The following TPTE2 variants were observed in gnomAD, a reference collection of about 807,000 sequenced individuals.
TPTE2 encodes the protein phosphatidylinositol 3,4,5-trisphosphate 3-phosphatase TPTE2.
Under a neutral mutation model 78.6 loss-of-function variants are expected in TPTE2, and 53 were observed. The ratio of observed to expected loss-of-function variants is 0.67; its 90% CI spans 0.54 to 0.85. TPTE2 has a LOEUF of 0.85. TPTE2 is among the 40% of genes least tolerant of loss of function. The pLI is 0.00. For synonymous variants in TPTE2, 175 were observed against 206.2 expected (o/e 0.85, Z 1.30); for missense variants, 461 against 623.0 (o/e 0.74, Z 2.77).
the TPTE2 span, among the ~76,000 whole-genome samples, chr13:19,558,719 G>A: frequency 6.6e-6 from 1 of 152,248 alleles, no homozygotes; most frequent in South Asian, 2.1e-4. Context: ...TTAGGGAGCA[G>A]GATAAGATTT....
intron 17 of TPTE2, among the ~76,000 whole-genome samples, chr13:19,426,800 G>A (rs779153510): frequency 1.3e-5 from 2 of 152,148 alleles, no homozygotes; most frequent in East Asian, 1.9e-4. Flanking sequence ...TGCCTCCCAG[G>A]TTCAAGTGAT....
intron 17 of TPTE2, among the ~76,000 whole-genome samples, chr13:19,428,346 G>A (rs1305127640): frequency 6.6e-6 from 1 of 152,172 alleles, no homozygotes; most frequent in African/African-American, 2.4e-5. Flanking sequence ...TACTTGGGAG[G>A]CGGAGGCAGG....
chr13:19,489,517 A>G (rs914432503), intron 3 of TPTE2, among the ~76,000 whole-genome samples: 1 of 150,482 alleles, frequency 6.6e-6, no homozygotes, highest in Admixed American at 6.7e-5. Flanking sequence ...ATATTAGAGG[A>G]TATATATATG....
chr13:19,453,536 ATCATATATAT>A (rs2137536659), intron 10 of TPTE2, among the ~76,000 whole-genome samples: 1 of 15,842 alleles, frequency 6.3e-5, no homozygotes, highest in South Asian at 3.4e-3. Flanking sequence ...TCATTTTATA[ATCATATATAT>A]ATATATATAT....
chr13:19,549,179 T>G, the TPTE2 span, among the ~76,000 whole-genome samples: 3 of 148,508 alleles, frequency 2.0e-5, no homozygotes, highest in Non-Finnish European at 4.5e-5. Context: ...CTAATAAAAC[T>G]AATGAGCTTC....
intron 3 of TPTE2, among the ~76,000 whole-genome samples, chr13:19,489,780 G>GATTT (rs60322576): frequency 6.6e-6 from 1 of 151,142 alleles, no homozygotes; most frequent in Admixed American, 6.6e-5. Flanking sequence ...TGTGTGTGTA[G>GATTT]ATCCTTTAGC....
At chr13:19,465,808 C>T (rs1879236263) in intron 7 of TPTE2, among the ~76,000 whole-genome samples, 1 of 152,102 alleles carries the variant, frequency 6.6e-6, no homozygotes, top group African/African-American at 2.4e-5. Context: ...TTGCTAAACA[C>T]CCTACAATTA....
At chr13:19,540,440 G>T (rs1427288727), upstream of TPTE2, among the ~76,000 whole-genome samples, 1 of 151,824 alleles carries the variant, frequency 6.6e-6, no homozygotes, top group Non-Finnish European at 1.5e-5. Flanking sequence ...AAGTAGCTGT[G>T]ACTACAGGCG....
intron 14 of TPTE2, among the ~76,000 whole-genome samples, chr13:19,436,698 A>C (rs757924267): frequency 1.6e-4 from 24 of 152,322 alleles, no homozygotes; most frequent in Middle Eastern, 6.8e-3. Flanking sequence ...TACAGGCATG[A>C]GCCACCCATG....
rs540417442 is a variant in TPTE2, at chr13:19,509,832, T to G, written c.-43-6555A>C. Among the ~76,000 whole-genome samples the G allele has an allele frequency of 1.9e-4, 29 of 152,288 alleles. No homozygotes were observed. In the South Asian group the frequency reaches 6.0e-3, roughly 32 times the overall value. On this transcript the variant is annotated intron_variant, in intron 1 of 17. Transcript: ENST00000390680. ...AACCTATGTAGATATATGTCATTGA[T>G]GATGATTATATAAACAAGGAAAAAG...
At chr13:19,505,153 C>CT (rs1354069561), upstream of TPTE2, among the ~76,000 whole-genome samples, 1 of 151,668 alleles carries the variant, frequency 6.6e-6, no homozygotes, top group Non-Finnish European at 1.5e-5. Context: ...TAGATGTATC[C>CT]TTTTTTTTAG....
At chr13:19,557,813 TA>T in the TPTE2 span, among the ~76,000 whole-genome samples, 1 of 151,678 alleles carries the variant, frequency 6.6e-6, no homozygotes, top group African/African-American at 2.4e-5. Flanking sequence ...ACCTGAGAAA[TA>T]GTTATTCTCT....
rs2137482728 is a variant in TPTE2, at chr13:19,433,817, A to G, written c.1117-1239T>C. Among the ~76,000 whole-genome samples the G allele has an allele frequency of 2.0e-5, 3 of 152,322 alleles. 1 individual carries two copies. Among genetic ancestry groups the G allele is most frequent in the African/African-American group, 7.2e-5 (3 of 41,572 alleles). ...TGTTGCTTTTTCGGTGAATCAGAAG[A>G]GATTCAGTTGCAGCCTTTGGTGTGC... On this transcript the variant is annotated intron_variant, in intron 15 of 19. Transcript: ENST00000400230.
At chr13:19,504,705 G>A (rs917362927), upstream of TPTE2, among the ~76,000 whole-genome samples, 19 of 152,094 alleles carry the variant, frequency 1.2e-4, no homozygotes, top group African/African-American at 4.6e-4. Flanking sequence ...TAATCAAAAA[G>A]TTGGATAAGA....
At chr13:19,528,509 T>C (rs1870663024) in intron 1 of TPTE2, among the ~76,000 whole-genome samples, 1 of 152,230 alleles carries the variant, frequency 6.6e-6, no homozygotes, top group Middle Eastern at 3.2e-3. Context: ...TTATTTTATT[T>C]ATAAGAACAA....
chr13:19,504,339 G>A (rs1463843877), upstream of TPTE2, among the ~76,000 whole-genome samples: 1 of 151,992 alleles, frequency 6.6e-6, no homozygotes, highest in African/African-American at 2.4e-5. Context: ...CTTCATCAGT[G>A]CCTTCTTTTC....
At chr13:19,426,754 G>C (rs575392866) in intron 17 of TPTE2, among the ~76,000 whole-genome samples, 6 of 152,280 alleles carry the variant, frequency 3.9e-5, no homozygotes, top group African/African-American at 1.4e-4. Context: ...ACCCAGGCTG[G>C]AGTGCAGTGG....
chr13:19,534,736 GA>G (rs1235843006), intron 1 of TPTE2, among the ~76,000 whole-genome samples: 1 of 152,108 alleles, frequency 6.6e-6, no homozygotes, highest in African/African-American at 2.4e-5. Context: ...TGGTTACTTA[GA>G]ATAAAATCTT....
intron 1 of TPTE2, among the ~76,000 whole-genome samples, chr13:19,500,105 A>C (rs1352118926): frequency 6.6e-6 from 1 of 151,932 alleles, no homozygotes. Flanking sequence ...ACCAGGAAGA[A>C]GTTGAGTCTC....
Sources: allele counts gnomAD v4.1 joint callset (sites outside exome capture counted in the v4.1 genomes callset), GRCh38; gene constraint gnomAD v4.1.1; transcripts MANE v1.5; gene names NCBI Gene and HGNC (gene_info 2026-07-23, HGNC 2026-07-21).